WDR91: variants seen among roughly 807,000 people sequenced by gnomAD.
WDR91 encodes WD repeat domain 91, also known as WD repeat-containing protein 91.
Under a neutral mutation model 88.4 loss-of-function variants are expected in WDR91, and 52 were observed. That is an observed-to-expected ratio of 0.59 (90% CI 0.47 to 0.74). The LOEUF is 0.74. WDR91 is among the 30% of genes least tolerant of loss of function. The pLI, the probability that WDR91 is intolerant of heterozygous loss-of-function variation, is 0.00. For missense variants in WDR91, 824 were observed against 954.5 expected (o/e 0.86, Z 1.80); for synonymous variants, 362 against 389.5 (o/e 0.93, Z 0.83).
chr7:135,200,326 AAGTAATTACC>A (rs1200675925), intron 6 of WDR91: 1 of 152,254 alleles, frequency 6.6e-6, no homozygotes, highest in East Asian at 1.9e-4. Flanking sequence ...AATGCTATGT[AAGTAATTACC>A]TTCAAACAAA....
chr7:135,203,577 T>C (rs908141479), intron 6 of WDR91, among the ~76,000 whole-genome samples: 2 of 152,222 alleles, frequency 1.3e-5, no homozygotes, highest in Non-Finnish European at 2.9e-5. Context: ...CTTTGCAGAA[T>C]CAGCAAATAC....
rs553830846 is a variant in WDR91 at position 135,198,041 on chromosome 7, C to T, written c.1002G>A (p.Gln334=). Residue 334 remains glutamine (Q), a synonymous_variant, in exon 7 of 15, where the codon CAG becomes CAA. Transcript: ENST00000354475. ...GWSQHRQRRL[Q]DHGKERKELF... is the part of the protein sequence containing the mutation. ...GCTCCTTCCTCTCCTTGCCATGGTC[C>T]TGCAGGCGCCGCTGCCGGTGCTGTG... 13 of 1,614,090 alleles carry T rather than the reference C, an allele frequency of 8.1e-6. No individual in the cohort carries two copies. The South Asian group carries it at 1.3e-4, about 16-fold the overall frequency.
chr7:135,197,960 G>C (rs1294077200), intron 7 of WDR91, 33 bp downstream of exon 7: 1 of 1,598,388 alleles, frequency 6.3e-7, no homozygotes, highest in Non-Finnish European at 8.6e-7. Context: ...AGCTGCATGA[G>C]TGTCCCCAGG....
At chr7:135,198,237 G>A (rs948261764) in intron 6 of WDR91, 86 bp from the exon 7 acceptor site, 7 of 1,490,858 alleles carry the variant, frequency 4.7e-6, no homozygotes, top group Non-Finnish European at 6.3e-6. Context: ...CCCTGGGCGG[G>A]GGGGCGTGGT....
chr7:135,196,438 G>T lies in WDR91; in HGVS notation c.1051-101C>A, dbSNP rs1831377626. Reference sequence around the variant, plus strand: ...GGCCTAGGCTGCAGCATTTTGCGGGGTTCTCGGTAATTACAGAGTGGAGAG... The same window carrying T: ...GGCCTAGGCTGCAGCATTTTGCGGGTTTCTCGGTAATTACAGAGTGGAGAG... On this transcript the variant is annotated intron_variant, in intron 7 of 14. Coordinates refer to ENST00000354475, the MANE Select transcript of WDR91 (RefSeq NM_014149.4). This position sits in a 1 kb window ranked among gnomAD's most constrained non-coding sequence, Gnocchi z 4.2. The T allele has an allele frequency of 2.5e-6, 3 of 1,187,980 alleles. No homozygotes were observed. The highest frequency in any genetic ancestry group is 3.4e-6 in the Non-Finnish European group (3 of 880,174). The allele number at this position is 1,187,980 out of a possible 1,614,324, so 73.6% of individuals were successfully genotyped here. A position where few individuals can be genotyped will look rare whatever the true frequency, so the allele number is the denominator to read the frequency against.
chr7:135,203,021 A>C (rs921290138), intron 6 of WDR91, among the ~76,000 whole-genome samples: 1 of 152,112 alleles, frequency 6.6e-6, no homozygotes, highest in African/African-American at 2.4e-5. Context: ...TCTGTCAAGC[A>C]CTCTTCTTCT....
At chr7:135,195,882 G>C (rs1045706764) in intron 8 of WDR91, among the ~76,000 whole-genome samples, 1 of 152,026 alleles carries the variant, frequency 6.6e-6, no homozygotes, top group Non-Finnish European at 1.5e-5. Context: ...GGGAGGGCAA[G>C]GTTGCAGTGA....
At chr7:135,207,459 A>T (rs1488056833) in intron 3 of WDR91, 2 of 479,422 alleles carry the variant, frequency 4.2e-6, no homozygotes, top group Non-Finnish European at 8.3e-6. Context: ...CACAGAGGGG[A>T]CATAAATCCA....
rs1420126935 is a variant in WDR91, at chr7:135,209,752, C to A, written c.127G>T (p.Asp43Tyr). The change falls in exon 2 of 15, where the codon GAT becomes TAT. Residue 43 changes from aspartate (D) to tyrosine (Y), a missense_variant. Asp to Tyr is a radical substitution (Grantham distance 160). Transcript: ENST00000354475. ...TGCTGCAGCTGGTCCACAATCTTATCCACCTGGCGAGAAACATGGATGGAG... is the reference window on the plus strand; with the variant it reads ...TGCTGCAGCTGGTCCACAATCTTATACACCTGGCGAGAAACATGGATGGAG... ...KADKEKGFRV[D>Y]KIVDQLQQLM... The A allele has an allele frequency of 6.3e-7, 1 of 1,586,652 alleles. No individual in the cohort carries two copies. Among genetic ancestry groups the A allele is most frequent in the South Asian group, 1.1e-5 (1 of 87,778 alleles).
intron 11 of WDR91, among the ~76,000 whole-genome samples, chr7:135,191,800 A>C (rs1395699639): frequency 6.6e-6 from 1 of 152,164 alleles, no homozygotes; most frequent in Non-Finnish European, 1.5e-5. Context: ...TACACCTATG[A>C]TTTCAATATG....
rs754847998 is a variant in WDR91, at chr7:135,198,031, T to C, written c.1012A>G (p.Lys338Glu). ...HRQRRLQDHG[K>E]ERKELFSTTT... ...GTGGAGAAAAGCTCCTTCCTCTCCTTGCCATGGTCCTGCAGGCGCCGCTGC... is the reference window on the plus strand; with the variant it reads ...GTGGAGAAAAGCTCCTTCCTCTCCTCGCCATGGTCCTGCAGGCGCCGCTGC... The change falls in exon 7 of 15, where the codon AAG (lysine) becomes GAG (glutamate). Residue 338 changes from lysine to glutamate, a missense_variant. Transcript: ENST00000354475. The C allele has an allele frequency of 6.2e-7, 1 of 1,614,052 alleles. No homozygotes were observed. Among genetic ancestry groups the C allele is most frequent in the African/African-American group, 1.3e-5 (1 of 74,910 alleles).
intron 6 of WDR91, among the ~76,000 whole-genome samples, chr7:135,203,867 C>A (rs1585430738): frequency 6.6e-6 from 1 of 152,214 alleles, no homozygotes; most frequent in Admixed American, 6.5e-5. Flanking sequence ...GGGAAGGCAG[C>A]CCCTTGGGTC....
Position 135,186,263 on chromosome 7 carries a change from CG to C in WDR91, c.2131del (p.Arg711GlufsTer29), listed in dbSNP as rs768376815. On this transcript the variant is annotated frameshift_variant, in exon 15 of 15. Coordinates refer to ENST00000354475, the MANE Select transcript of WDR91 (RefSeq NM_014149.4). LOFTEE classifies it high-confidence loss of function. ...LESCLSLGGH[R>X]APVVTVDWST... ...CCAGTCCACGGTGACCACAGGGGCTCGGTGGCCACCTAGGCTCAAGCAGCTC... is the reference window on the plus strand; with the variant it reads ...CCAGTCCACGGTGACCACAGGGGCTCGTGGCCACCTAGGCTCAAGCAGCTC... 1 of 1,612,648 alleles carries C rather than the reference CG, an allele frequency of 6.2e-7. No homozygotes were observed. The highest frequency in any genetic ancestry group is 1.1e-5 in the South Asian group (1 of 90,900).
rs1296755107 is a variant in WDR91, at chr7:135,196,315, G to A, written c.1073C>T (p.Ala358Val). 2 of 1,576,680 alleles carry A rather than the reference G, an allele frequency of 1.3e-6. No homozygotes were observed. The highest frequency in any genetic ancestry group is 3.7e-5 in the Admixed American group (2 of 53,692). ...GCAGGGCTCAGCCTCTGGGCCACTGGCTTCTGGTTTCTTCTCTGCACACTG... is the reference window on the plus strand; with the variant it reads ...GCAGGGCTCAGCCTCTGGGCCACTGACTTCTGGTTTCTTCTCTGCACACTG... ...TSQCAEKKPE[A>V]SGPEAEPCPE... Residue 358 changes from alanine to valine, a missense_variant, in exon 8 of 15, where the codon GCC becomes GTC. Transcript: ENST00000354475. The surrounding 1 kb of genome is among the most constrained non-coding windows in gnomAD (Gnocchi z 4.2).
chr7:135,195,059 C>T lies in WDR91; in HGVS notation c.1270G>A (p.Ala424Thr), dbSNP rs1310765833. The T allele has an allele frequency of 3.7e-6, 6 of 1,613,626 alleles. No individual in the cohort carries two copies. The African/African-American group carries it at 4.0e-5, about 11-fold the overall frequency. ...CRVDCSGRRV[A>T]SLDVDGVIKV... ...ATGACCCCATCTACGTCTAAGCTGGCGACTCTCCTCCCAGAGCAGTCCACT... is the reference window on the plus strand; with the variant it reads ...ATGACCCCATCTACGTCTAAGCTGGTGACTCTCCTCCCAGAGCAGTCCACT... Residue 424 changes from alanine (A) to threonine (T), a missense_variant, in exon 9 of 15, where the codon GCC becomes ACC. Physicochemically the swap from Ala to Thr is moderately conservative, Grantham distance 58 (BLOSUM62 0). Transcript: ENST00000354475.
rs1831307200 is a variant in WDR91, at chr7:135,194,954, C to G, written c.1375G>C (p.Ala459Pro). ...SKSPLLSLEW[A>P]TKRDRLLLLG... ...CTCACCAGTCTGTCCCGTTTGGTGG[C>G]CCATTCCAAAGACAGCAGCGGTGAT... The change falls in exon 9 of 15, where the codon GCC becomes CCC. Residue 459 changes from alanine (A) to proline (P), a missense_variant. Coordinates refer to ENST00000354475, the MANE Select transcript of WDR91 (RefSeq NM_014149.4). The G allele has an allele frequency of 1.2e-6, 2 of 1,614,002 alleles. No individual in the cohort carries two copies. Among genetic ancestry groups the G allele is most frequent in the South Asian group, 1.1e-5 (1 of 91,072 alleles).
In WDR91 at chr7:135,211,425, C is replaced by T; in HGVS notation, c.78G>A (p.Arg26=). The T allele has an allele frequency of 6.2e-7, 1 of 1,612,402 alleles. No homozygotes were observed. Among genetic ancestry groups the T allele is most frequent in the South Asian group, 1.1e-5 (1 of 90,988 alleles). Residue 26 remains arginine, a synonymous_variant, in exon 1 of 15, where the codon CGG becomes CGA. Transcript: ENST00000354475. ...CCGCCTTGATCTCGGCGTCCAGCTG[C>T]CGCAGTGTGTGCGTGAACCCGCGGA... ...LLFRGFTHTL[R]QLDAEIKADK...
At chr7:135,189,633 G>A (rs536747793) in intron 11 of WDR91, among the ~76,000 whole-genome samples, 181 bp from the exon 12 acceptor site, 1 of 152,312 alleles carries the variant, frequency 6.6e-6, no homozygotes, top group South Asian at 2.1e-4. Context: ...GTGCTCTTTT[G>A]AGAACAAGTT....
At chr7:135,187,797 T>C (rs1384286930) in intron 13 of WDR91, among the ~76,000 whole-genome samples, 48 of 152,312 alleles carry the variant, frequency 3.2e-4, no homozygotes, top group African/African-American at 1.4e-4. Flanking sequence ...CGAGCTTTAA[T>C]GTAAAAGTCC....
Sources: allele counts gnomAD v4.1 joint callset (sites outside exome capture counted in the v4.1 genomes callset), GRCh38; gene constraint gnomAD v4.1.1; non-coding constraint Gnocchi (gnomAD v3.1); transcripts MANE v1.5; gene names NCBI Gene and HGNC (gene_info 2026-07-23, HGNC 2026-07-21).